Variants in SGCZ observed in about 807,000 individuals in gnomAD.
SGCZ encodes zeta-sarcoglycan.
SGCZ carries 40 observed loss-of-function variants against 41.3 expected under a neutral mutation model. That is an observed-to-expected ratio of 0.97 (90% CI 0.75 to 1.26). The LOEUF (loss-of-function observed/expected upper bound fraction) is 1.26, where lower values mean the gene tolerates loss of function less well. SGCZ is among the 50% of genes most tolerant of loss of function. The pLI, the probability that SGCZ is intolerant of heterozygous loss-of-function variation, is 0.00. For synonymous variants in SGCZ, 206 were observed against 137.5 expected (o/e 1.50, Z -3.49); for missense variants, 552 against 369.8 (o/e 1.49, Z -4.04).
intron 2 of SGCZ, among the ~76,000 whole-genome samples, chr8:14,358,137 G>C (rs536772998): frequency 2.4e-4 from 36 of 152,262 alleles, no homozygotes; most frequent in African/African-American, 7.5e-4. Context: ...GTGTGTTTGT[G>C]TCTTTAATTC....
At chr8:14,650,319 G>A (rs750684665) in intron 1 of SGCZ, among the ~76,000 whole-genome samples, 1 of 152,006 alleles carries the variant, frequency 6.6e-6, no homozygotes, top group African/African-American at 2.4e-5. Context: ...GAGGTAGGAC[G>A]GAAGTTTAGC....
chr8:14,609,200 T>G (rs1206166955), intron 1 of SGCZ, among the ~76,000 whole-genome samples: 1 of 152,178 alleles, frequency 6.6e-6, no homozygotes, highest in Non-Finnish European at 1.5e-5. Flanking sequence ...ATAACAAAAT[T>G]GTATTATTAC....
intron 1 of SGCZ, among the ~76,000 whole-genome samples, chr8:15,070,957 G>A (rs1267632974): frequency 6.6e-6 from 1 of 152,118 alleles, no homozygotes; most frequent in African/African-American, 2.4e-5. Flanking sequence ...TCTCTTAGTA[G>A]GGGTGAGATG....
chr8:14,538,676 A>G (rs570891347), intron 2 of SGCZ, among the ~76,000 whole-genome samples: 2 of 152,064 alleles, frequency 1.3e-5, no homozygotes, highest in African/African-American at 4.8e-5. Flanking sequence ...ATCTACCAGC[A>G]GCTGTTCATT....
chr8:14,427,086 GAGTGAATGAATGAA>G (rs1180514374), intron 2 of SGCZ, among the ~76,000 whole-genome samples: 3 of 120,902 alleles, frequency 2.5e-5, no homozygotes, highest in African/African-American at 1.8e-4. Flanking sequence ...ACGAATGAAT[GAGTGAATGAATGAA>G]TGAGTGAATG....
chr8:15,108,720 T>A (rs891583025), intron 1 of SGCZ, among the ~76,000 whole-genome samples: 1 of 152,160 alleles, frequency 6.6e-6, no homozygotes, highest in African/African-American at 2.4e-5. Context: ...ATTTGAAAAT[T>A]AAAAGAATGA....
chr8:14,824,925 A>C (rs1802245862), intron 1 of SGCZ, among the ~76,000 whole-genome samples: 1 of 152,032 alleles, frequency 6.6e-6, no homozygotes, highest in Non-Finnish European at 1.5e-5. Context: ...CAACATTCTA[A>C]ATTTCTTCAT....
At chr8:14,263,367 G>A (rs898834855) in intron 3 of SGCZ, among the ~76,000 whole-genome samples, 1 of 152,024 alleles carries the variant, frequency 6.6e-6, no homozygotes, top group African/African-American at 2.4e-5. Flanking sequence ...TGGCCAACAT[G>A]ATGAAACCCC....
chr8:14,820,409 T>C (rs1391116817), intron 1 of SGCZ, among the ~76,000 whole-genome samples: 3 of 152,022 alleles, frequency 2.0e-5, no homozygotes, highest in Non-Finnish European at 2.9e-5. Context: ...GAAATAATAG[T>C]ATAGGACTTG....
chr8:15,143,210 A>G (rs1266101927), intron 1 of SGCZ, among the ~76,000 whole-genome samples: 2 of 152,202 alleles, frequency 1.3e-5, no homozygotes, highest in African/African-American at 4.8e-5. Context: ...TCTGCTACAA[A>G]CATAATAAAA....
chr8:14,738,551 A>G (rs1799113581), intron 1 of SGCZ, among the ~76,000 whole-genome samples: 1 of 152,022 alleles, frequency 6.6e-6, no homozygotes, highest in Non-Finnish European at 1.5e-5. Context: ...AGCTCGTAAA[A>G]TTTCCTCTGC....
At chr8:14,596,222 G>C (rs1805408963) in intron 1 of SGCZ, among the ~76,000 whole-genome samples, 1 of 152,064 alleles carries the variant, frequency 6.6e-6, no homozygotes, top group Admixed American at 6.6e-5. Flanking sequence ...CTGTCTTCAG[G>C]CAAAATATTT....
intron 2 of SGCZ, among the ~76,000 whole-genome samples, chr8:14,552,772 G>T (rs1187743467): frequency 6.6e-6 from 1 of 151,978 alleles, no homozygotes; most frequent in African/African-American, 2.4e-5. Flanking sequence ...GGAGTCTGAT[G>T]CATGTAGCCA....
chr8:14,595,462 G>A (rs1805381581), intron 1 of SGCZ, among the ~76,000 whole-genome samples: 1 of 150,758 alleles, frequency 6.6e-6, no homozygotes, highest in East Asian at 2.0e-4. Flanking sequence ...ATGGGTGGCT[G>A]GAAAGAGAAA....
intron 1 of SGCZ, among the ~76,000 whole-genome samples, chr8:15,051,660 T>C (rs1804517846): frequency 6.6e-6 from 1 of 152,200 alleles, no homozygotes; most frequent in Admixed American, 6.5e-5. Flanking sequence ...TGCCCACCGT[T>C]GGTGTTACCA....
chr8:14,517,862 T>C (rs1033163537), intron 2 of SGCZ, among the ~76,000 whole-genome samples: 1 of 151,832 alleles, frequency 6.6e-6, no homozygotes, highest in African/African-American at 2.4e-5. Context: ...AGTATTATCA[T>C]ATTTTTAAAT....
In SGCZ at chr8:14,739,215, A is replaced by G. The variant is rs187810237; in HGVS notation, c.40-184289T>C. ...AAAATAAGATTTAAGAGTCATTATG[A>G]TAAAGGGCTGGTTCATATCTAAATA... On this transcript the variant is annotated intron_variant, in intron 1 of 7. Coordinates refer to ENST00000382080, the MANE Select transcript of SGCZ (RefSeq NM_139167.4). Among the ~76,000 whole-genome samples, 1,298 of 152,150 alleles carry G rather than the reference A, an allele frequency of 8.5e-3. 15 individuals are homozygous for G. Among genetic ancestry groups the G allele is most frequent in the Non-Finnish European group, 0.011 (773 of 67,944 alleles).
chr8:14,394,871 G>A (rs75918650), intron 2 of SGCZ, among the ~76,000 whole-genome samples: 5,877 of 152,182 alleles, frequency 0.039, 346 homozygotes, highest in African/African-American at 0.13. Flanking sequence ...CAAGCATTAT[G>A]TCAGTGCATG....
chr8:14,196,586 T>C (rs1299834026), intron 4 of SGCZ, among the ~76,000 whole-genome samples: 1 of 152,188 alleles, frequency 6.6e-6, no homozygotes, highest in Non-Finnish European at 1.5e-5. Flanking sequence ...ATTTGTACAT[T>C]GGTGTTTAAT....
Sources: allele counts gnomAD v4.1 joint callset (sites outside exome capture counted in the v4.1 genomes callset), GRCh38; gene constraint gnomAD v4.1.1; transcripts MANE v1.5; gene names NCBI Gene and HGNC (gene_info 2026-07-23, HGNC 2026-07-21).